Variants in SPTBN4 observed in about 807,000 individuals in gnomAD.
SPTBN4 encodes the protein spectrin beta, non-erythrocytic 4.
SPTBN4 carries 96 observed loss-of-function variants against 277.8 expected under a neutral mutation model. The observed-to-expected ratio is 0.35, with a 90% CI of 0.29 to 0.41. SPTBN4 has a LOEUF of 0.41. Ranked by LOEUF, SPTBN4 falls within the 10% of genes least tolerant of loss-of-function variation. The pLI is 1.00. For synonymous variants in SPTBN4, 1,481 were observed against 1,580.3 expected (o/e 0.94, Z 1.49); for missense variants, 3,006 against 3,595.7 (o/e 0.84, Z 4.19).
chr19:40,477,313 T>C (rs2079960407), intron 2 of SPTBN4, among the ~76,000 whole-genome samples: 2 of 152,060 alleles, frequency 1.3e-5, no homozygotes, highest in African/African-American at 2.4e-5. Context: ...CCTCCCAAAG[T>C]GTTGGGATTA....
chr19:40,488,670 C>A (rs1162737833), intron 3 of SPTBN4, among the ~76,000 whole-genome samples: 2 of 151,984 alleles, frequency 1.3e-5, no homozygotes, highest in African/African-American at 4.8e-5. Context: ...ATTAACCAGG[C>A]GTGGTGGCGC....
Position 40,519,845 on chromosome 19 carries a change from G to C in SPTBN4, c.3348G>C (p.Gly1116=). 6.9e-7 allele frequency: 1 copy of C among 1,444,816 alleles called. No individual in the cohort carries two copies. The allele number at this position is 1,444,816 out of a possible 1,614,324, so 89.5% of individuals were successfully genotyped here. The change falls in exon 16 of 36, where the codon GGG becomes GGC. Residue 1116 remains glycine, a synonymous_variant. Transcript: ENST00000598249. The surrounding 1 kb of genome is among the most constrained non-coding windows in gnomAD (Gnocchi z 5.7). ...AGGAGGCGGCGGGCGGCAGCGAGGG[G>C]CCCCTGCCCAACAGCCTAGAAGAGG... The part of the protein sequence containing the change: ...RAQEAAGGSE[G]PLPNSLEEAD...
intron 7 of SPTBN4, among the ~76,000 whole-genome samples, chr19:40,499,802 G>T (rs1568778955): frequency 1.3e-5 from 2 of 151,998 alleles, no homozygotes; most frequent in Non-Finnish European, 2.9e-5. Flanking sequence ...CAGAATTCAT[G>T]GTCTTAATCA....
intron 1 of SPTBN4, among the ~76,000 whole-genome samples, chr19:40,471,651 T>C (rs1312340262): frequency 6.6e-6 from 1 of 152,160 alleles, no homozygotes; most frequent in Non-Finnish European, 1.5e-5. Context: ...TAGATCACTG[T>C]AGCCTTGGCT....
In SPTBN4 at chr19:40,490,197, G is replaced by C. The variant is rs1484236563; in HGVS notation, c.444G>C (p.Gly148=). ...TGGGTTCGCATGACATCGTGGATGG[G>C]AATCACCGGCTGACGCTGGGGCTGG... The part of the protein sequence containing the change: ...ENVGSHDIVD[G]NHRLTLGLVW... Residue 148 remains glycine (G), a synonymous_variant, in exon 4 of 36, where the codon GGG becomes GGC. Transcript: ENST00000598249. This position sits in a 1 kb window ranked among gnomAD's most constrained non-coding sequence, Gnocchi z 4.3. 1.2e-6 allele frequency: 2 copies of C among 1,614,094 alleles called. No individual in the cohort carries two copies. Among genetic ancestry groups the C allele is most frequent in the African/African-American group, 1.3e-5 (1 of 74,932 alleles).
chr19:40,503,043 T>C, intron 11 of SPTBN4, 110 bp downstream of exon 11: 2 of 1,359,776 alleles, frequency 1.5e-6, no homozygotes, highest in Non-Finnish European at 2.0e-6. Context: ...AGAGTTAGAT[T>C]AGTCTCCTGG....
intron 25 of SPTBN4, 44 bp downstream of exon 25, chr19:40,556,332 G>A (rs1451176233): frequency 6.5e-7 from 1 of 1,546,804 alleles, no homozygotes; most frequent in African/African-American, 1.4e-5. Flanking sequence ...CTACCACTAA[G>A]GTTCTCTGGG....
In SPTBN4 at chr19:40,568,091, C is replaced by G; in HGVS notation, c.6765C>G (p.Val2255=). Residue 2255 remains valine, a synonymous_variant, in exon 31 of 36, where the codon GTC becomes GTG. Coordinates refer to ENST00000598249, the MANE Select transcript of SPTBN4 (RefSeq NM_020971.3). ...GGCGGCCTGAGCGGCAAGAGTCAGTCGATCAATCCGAGGAGGCTGCGCGGA... is the reference window on the plus strand; with the variant it reads ...GGCGGCCTGAGCGGCAAGAGTCAGTGGATCAATCCGAGGAGGCTGCGCGGA... The part of the protein sequence containing the change: ...RRRRPERQES[V]DQSEEAARRR... The G allele has an allele frequency of 1.3e-6, 2 of 1,565,366 alleles. No homozygotes were observed. Among genetic ancestry groups the G allele is most frequent in the Non-Finnish European group, 1.7e-6 (2 of 1,155,470 alleles).
chr19:40,488,100 G>T (rs994681005), intron 3 of SPTBN4, among the ~76,000 whole-genome samples: 5 of 152,120 alleles, frequency 3.3e-5, no homozygotes, highest in Admixed American at 6.6e-5. Flanking sequence ...CTACGGTTGC[G>T]AGGCGGGGCT....
intron 22 of SPTBN4, among the ~76,000 whole-genome samples, chr19:40,551,401 A>T (rs200865248): frequency 0.032 from 2,182 of 68,252 alleles, 71 homozygotes; most frequent in Admixed American, 0.15. Context: ...TCTCTCTCTC[A>T]CACACACACA....
intron 20 of SPTBN4, among the ~76,000 whole-genome samples, chr19:40,541,604 C>T (rs1164819306): frequency 6.6e-6 from 1 of 152,108 alleles, no homozygotes; most frequent in East Asian, 1.9e-4. Flanking sequence ...GGTACTGGCT[C>T]GGGGTCTGAG....
At position 40,472,659 on chromosome 19, in the gene SPTBN4, G is replaced by A; in HGVS notation, c.38G>A (p.Gly13Asp). The A allele has an allele frequency of 6.2e-7, 1 of 1,613,850 alleles. No homozygotes were observed. The highest frequency in any genetic ancestry group is 1.1e-5 in the South Asian group (1 of 91,022). The change falls in exon 2 of 36, where the codon GGC becomes GAC. Residue 13 changes from glycine to aspartate, a missense_variant. Physicochemically the swap from Gly to Asp is moderately conservative, Grantham distance 94 (BLOSUM62 -1). Around this residue, in one of 5 missense-constraint regions of SPTBN4, gnomAD observed 78 missense variants for 65.7 expected, o/e 1.19. Transcript: ENST00000598249. ...QVPGEVDNMEGLPAPNNNPAA... is the reference protein window; with the variant it reads ...QVPGEVDNMEDLPAPNNNPAA... Reference sequence around the variant, plus strand: ...CCAGGGGAAGTGGACAACATGGAGGGCCTGCCTGCTCCTAACAACAACCCT... The same window carrying A: ...CCAGGGGAAGTGGACAACATGGAGGACCTGCCTGCTCCTAACAACAACCCT...
At chr19:40,507,181 G>A (rs908027006) in intron 13 of SPTBN4, among the ~76,000 whole-genome samples, 3 of 151,964 alleles carry the variant, frequency 2.0e-5, no homozygotes, top group African/African-American at 7.3e-5. Flanking sequence ...TAGGCATGGT[G>A]GTGCACGCCT....
intron 2 of SPTBN4, among the ~76,000 whole-genome samples, chr19:40,475,788 G>A (rs774868282): frequency 6.6e-6 from 1 of 150,940 alleles, no homozygotes; most frequent in Non-Finnish European, 1.5e-5. Context: ...CTAGAAACCT[G>A]TAGTCCCAGC....
chr19:40,566,407 C>A, intron 30 of SPTBN4, 48 bp downstream of exon 30: 1 of 1,446,414 alleles, frequency 6.9e-7, no homozygotes, highest in Non-Finnish European at 9.2e-7. Flanking sequence ...CACCAAGACC[C>A]CCACACCCAT....
chr19:40,539,637 G>A (rs1275696527), intron 20 of SPTBN4, among the ~76,000 whole-genome samples: 1 of 151,552 alleles, frequency 6.6e-6, no homozygotes, highest in Non-Finnish European at 1.5e-5. Flanking sequence ...CTGCCACCAC[G>A]CCTGGCTAAT....
chr19:40,560,266 G>A lies in SPTBN4; in HGVS notation c.5778G>A (p.Glu1926=). 6.2e-7 allele frequency: 1 copy of A among 1,613,834 alleles called. No homozygotes were observed. Among genetic ancestry groups the A allele is most frequent in the Non-Finnish European group, 8.5e-7 (1 of 1,179,996 alleles). ...AGGAGGTGCTGCAGGGTTGGAAAGA[G>A]CTGCTGTCAGCCTGTGAGGATGCCC... The part of the protein sequence containing the change: ...REQEVLQGWK[E]LLSACEDARL... Residue 1926 remains glutamate (E), a synonymous_variant, in exon 27 of 36, where the codon GAG becomes GAA. Coordinates refer to ENST00000598249, the MANE Select transcript of SPTBN4 (RefSeq NM_020971.3). This position sits in a 1 kb window ranked among gnomAD's most constrained non-coding sequence, Gnocchi z 5.2.
At chr19:40,530,475 G>T in intron 18 of SPTBN4, 1 of 978,476 alleles carries the variant, frequency 1.0e-6, no homozygotes, top group Non-Finnish European at 1.2e-6. Context: ...GAGGGAGGGG[G>T]CGCGCGGCCG....
chr19:40,493,534 G>A (rs112105781), intron 5 of SPTBN4, among the ~76,000 whole-genome samples: 1 of 151,910 alleles, frequency 6.6e-6, no homozygotes, highest in African/African-American at 2.4e-5. Context: ...AAGTTGTGGG[G>A]TTTTTTTTGT....
Sources: allele counts gnomAD v4.1 joint callset (sites outside exome capture counted in the v4.1 genomes callset), GRCh38; gene constraint gnomAD v4.1.1; regional missense constraint gnomAD v4.1.1; non-coding constraint Gnocchi (gnomAD v3.1); transcripts MANE v1.5; gene names NCBI Gene and HGNC (gene_info 2026-07-23, HGNC 2026-07-21).